The following WDPCP variants were observed in gnomAD, a reference collection of about 807,000 sequenced individuals.
WDPCP encodes WD repeat-containing and planar cell polarity effector protein fritz homolog.
In WDPCP, 71 loss-of-function variants were observed where a neutral mutation model predicts 93.1. That is an observed-to-expected ratio of 0.76 (90% CI 0.63 to 0.93). The LOEUF is 0.93. Among genes scored for constraint, WDPCP ranks in the 40% least tolerant of loss-of-function variants. The pLI is 0.00. For missense variants in WDPCP, 844 were observed against 887.4 expected (o/e 0.95, Z 0.62); for synonymous variants, 315 against 315.0 (o/e 1.00, Z 0.00).
At chr2:63,800,957 G>C (rs1670686558) in intron 2 of WDPCP, among the ~76,000 whole-genome samples, 1 of 152,218 alleles carries the variant, frequency 6.6e-6, no homozygotes, top group South Asian at 2.1e-4. Context: ...CGGAGGCTGA[G>C]GTGGGAGGAT....
At chr2:63,604,945 T>C in intron 3 of WDPCP, 1 of 1,477,550 alleles carries the variant, frequency 6.8e-7, no homozygotes. Context: ...ACAGAAAACC[T>C]TAAAGAGGGC....
Position 63,485,100 on chromosome 2 carries a change from G to A in WDPCP, c.254-113C>T, listed in dbSNP as rs975996085. On this transcript the variant is annotated intron_variant, in intron 4 of 17. Coordinates refer to ENST00000272321, the MANE Select transcript of WDPCP (RefSeq NM_015910.7). ...AAAACACCTCTATAATCGAGAGGAA[G>A]TGGGCTTCATTTCCATCATCAAATG... 4 of 1,094,706 alleles carry A rather than the reference G, an allele frequency of 3.7e-6. No homozygotes were observed. In the African/African-American group the frequency reaches 6.3e-5, roughly 17 times the overall value. 67.8% of individuals were successfully genotyped at this position (1,094,706 alleles called of 1,614,324 possible).
At chr2:63,294,177 G>T (rs1684662318) in intron 13 of WDPCP, among the ~76,000 whole-genome samples, 1 of 152,154 alleles carries the variant, frequency 6.6e-6, no homozygotes, top group Non-Finnish European at 1.5e-5. Flanking sequence ...CCCATCAAAG[G>T]CTTTGGAGGT....
intron 12 of WDPCP, 99 bp downstream of exon 12, chr2:63,378,287 G>A: frequency 6.6e-7 from 1 of 1,518,498 alleles, no homozygotes; most frequent in East Asian, 2.3e-5. Context: ...TGGACTGTTA[G>A]GAAACACATA....
At position 63,382,023 on chromosome 2, in the gene WDPCP, C is replaced by G; in HGVS notation, c.1507G>C (p.Glu503Gln). 6.2e-7 allele frequency: 1 copy of G among 1,613,468 alleles called. No individual in the cohort carries two copies. Among genetic ancestry groups the G allele is most frequent in the Non-Finnish European group, 8.5e-7 (1 of 1,179,712 alleles). ...FQYIHCDEIY[E>Q]AINILSSMNW... ...ATGCTGCTCAGGATGTTTATTGCCT[C>G]ATAGATCTCATCACAGTGAATGTAC... The change falls in exon 11 of 18, where the codon GAG (glutamate) becomes CAG (glutamine). Residue 503 changes from glutamate (E) to glutamine (Q), a missense_variant. Coordinates refer to ENST00000272321, the MANE Select transcript of WDPCP (RefSeq NM_015910.7).
intron 14 of WDPCP, among the ~76,000 whole-genome samples, chr2:63,243,546 A>G (rs781304716): frequency 2.0e-5 from 3 of 152,152 alleles, no homozygotes; most frequent in African/African-American, 4.8e-5. Flanking sequence ...AAAAAAGAGC[A>G]GGAGTTGCTA....
upstream of WDPCP, among the ~76,000 whole-genome samples, chr2:63,831,156 C>G (rs560327588): frequency 8.5e-5 from 13 of 152,154 alleles, no homozygotes; most frequent in Non-Finnish European, 1.8e-4. Flanking sequence ...CCTGTTATTT[C>G]CACTTTCAAA....
intron 14 of WDPCP, among the ~76,000 whole-genome samples, chr2:63,227,047 C>T (rs964914974): frequency 2.0e-5 from 3 of 151,772 alleles, no homozygotes; most frequent in African/African-American, 7.2e-5. Flanking sequence ...GTGAGGCTCT[C>T]AGAAGGATAT....
chr2:63,357,232 A>G (rs1264484382), intron 12 of WDPCP, among the ~76,000 whole-genome samples: 1 of 152,222 alleles, frequency 6.6e-6, no homozygotes, highest in East Asian at 1.9e-4. Flanking sequence ...CATGACAAAG[A>G]CACCAAAAGC....
At chr2:63,811,825 T>C (rs145231314) in intron 2 of WDPCP, among the ~76,000 whole-genome samples, 21 of 152,260 alleles carry the variant, frequency 1.4e-4, no homozygotes, top group African/African-American at 3.8e-4. Context: ...GTGTACCCAC[T>C]GTTTAGCTCC....
intron 6 of WDPCP, among the ~76,000 whole-genome samples, chr2:63,466,681 T>C (rs1450994886): frequency 2.6e-5 from 4 of 152,148 alleles, no homozygotes; most frequent in African/African-American, 9.7e-5. Flanking sequence ...ACTAGATAAA[T>C]ATTTGGTATG....
chr2:63,399,055 T>C (rs775625599), intron 10 of WDPCP, among the ~76,000 whole-genome samples: 31 of 152,184 alleles, frequency 2.0e-4, no homozygotes, highest in Non-Finnish European at 3.4e-4. Flanking sequence ...AATATTAATC[T>C]TATACATTAA....
At chr2:63,528,878 C>G (rs146046241) in intron 1 of WDPCP, among the ~76,000 whole-genome samples, 2,764 of 152,242 alleles carry the variant, frequency 0.018, 72 homozygotes, top group African/African-American at 0.06. Flanking sequence ...TTTGTGTCTT[C>G]TTTTATTTCA....
intron 17 of WDPCP, among the ~76,000 whole-genome samples, chr2:63,135,527 T>G (rs1387687903): frequency 6.6e-6 from 1 of 152,088 alleles, no homozygotes; most frequent in African/African-American, 2.4e-5. Flanking sequence ...AGACAGCGTT[T>G]CACCATGTTG....
intron 14 of WDPCP, among the ~76,000 whole-genome samples, chr2:63,256,067 G>A (rs1220394318): frequency 6.6e-6 from 1 of 152,118 alleles, no homozygotes; most frequent in Non-Finnish European, 1.5e-5. Flanking sequence ...CATATTCATG[G>A]ATTGGAAAAC....
chr2:63,459,216 G>A (rs974831436), intron 6 of WDPCP, among the ~76,000 whole-genome samples: 2 of 152,110 alleles, frequency 1.3e-5, no homozygotes, highest in Admixed American at 1.3e-4. Context: ...ATAGACAAAT[G>A]AGAGTATATT....
chr2:63,132,270 T>A (rs970377722), intron 17 of WDPCP, among the ~76,000 whole-genome samples: 6 of 152,094 alleles, frequency 3.9e-5, no homozygotes, highest in African/African-American at 1.4e-4. Context: ...CAAGATTATC[T>A]CTTTGTCTTT....
At chr2:63,349,508 T>G (rs921311489) in intron 12 of WDPCP, among the ~76,000 whole-genome samples, 4 of 152,164 alleles carry the variant, frequency 2.6e-5, no homozygotes, top group Non-Finnish European at 5.9e-5. Context: ...TTTTCAAAGA[T>G]AAATTATTTC....
At chr2:63,151,768 T>C (rs954408840) in intron 17 of WDPCP, among the ~76,000 whole-genome samples, 10 of 152,224 alleles carry the variant, frequency 6.6e-5, no homozygotes, top group African/African-American at 2.4e-4. Flanking sequence ...CTATCATTAG[T>C]ATAGTTCCAT....
Sources: allele counts gnomAD v4.1 joint callset (sites outside exome capture counted in the v4.1 genomes callset), GRCh38; gene constraint gnomAD v4.1.1; transcripts MANE v1.5; gene names NCBI Gene and HGNC (gene_info 2026-07-23, HGNC 2026-07-21).